Variants in PCDHA3 observed in about 807,000 individuals in gnomAD.
PCDHA3 encodes the protein protocadherin alpha 3, also known as protocadherin alpha-3.
In PCDHA3, 41 loss-of-function variants were observed where a neutral mutation model predicts 62.2. That is an observed-to-expected ratio of 0.66 (90% CI 0.51 to 0.86). PCDHA3 has a LOEUF of 0.86. Ranked by LOEUF, PCDHA3 falls within the 40% of genes least tolerant of loss-of-function variation. The pLI is 0.00. For missense variants in PCDHA3, 1,304 were observed against 1,241.2 expected (o/e 1.05, Z -0.76); for synonymous variants, 640 against 555.4 (o/e 1.15, Z -2.14).
rs372235129 is a variant in PCDHA3 at position 140,927,231 on chromosome 5, C to T, written c.2395-51718C>T. On this transcript the variant is annotated intron_variant, in intron 1 of 3. Transcript: ENST00000522353. ...TGGAGCTGCACAAGATTCGGATTCA[C>T]GTCCTGGACACCAATGACAACTCAC... 3.7e-6 allele frequency: 6 copies of T among 1,614,020 alleles called. No individual in the cohort carries two copies. In the African/African-American group the frequency reaches 4.0e-5, roughly 11 times the overall value.
intron 1 of PCDHA3, among the ~76,000 whole-genome samples, chr5:140,932,340 C>G (rs1339952181): frequency 6.6e-6 from 1 of 151,864 alleles, no homozygotes; most frequent in Non-Finnish European, 1.5e-5. Flanking sequence ...GCATGAAACA[C>G]TTACCATACA....
intron 1 of PCDHA3, among the ~76,000 whole-genome samples, chr5:140,898,068 C>A (rs1420706890): frequency 8.5e-5 from 13 of 152,050 alleles, no homozygotes; most frequent in African/African-American, 2.7e-4. Context: ...TGTTTGAGTT[C>A]ATTGTAGATT....
chr5:141,001,089 C>G (rs972790418), intron 3 of PCDHA3, among the ~76,000 whole-genome samples: 2 of 152,042 alleles, frequency 1.3e-5, no homozygotes, highest in Admixed American at 1.3e-4. Flanking sequence ...ACCCCATAAA[C>G]TGTCTAATCC....
chr5:140,875,208 C>G (rs1297860404), intron 1 of PCDHA3: 2 of 668,428 alleles, frequency 3.0e-6, no homozygotes, highest in East Asian at 6.8e-5. Flanking sequence ...GTGGCTAAAC[C>G]GAAAAGAACC....
intron 3 of PCDHA3, among the ~76,000 whole-genome samples, chr5:141,005,035 GT>G (rs1272983494): frequency 6.6e-6 from 1 of 152,194 alleles, no homozygotes; most frequent in African/African-American, 2.4e-5. Context: ...TTGCCCATAT[GT>G]GATACCATTT....
At chr5:140,968,187 A>G in intron 1 of PCDHA3, 3 of 1,614,064 alleles carry the variant, frequency 1.9e-6, no homozygotes, top group Non-Finnish European at 2.5e-6. Context: ...GAGGACTCCT[A>G]TTCCATCTAC....
intron 1 of PCDHA3, chr5:140,866,517 C>T (rs1554160368): frequency 6.6e-6 from 1 of 152,090 alleles, no homozygotes; most frequent in African/African-American, 2.4e-5. Flanking sequence ...CTTGACTAAG[C>T]CATGATAGAG....
chr5:140,876,718 G>C, intron 1 of PCDHA3: 1 of 1,614,242 alleles, frequency 6.2e-7, no homozygotes, highest in Non-Finnish European at 8.5e-7. Context: ...CCTGGACCGC[G>C]AGAGCGTGTC....
chr5:140,994,608 G>A (rs1231327885), intron 3 of PCDHA3, among the ~76,000 whole-genome samples: 1 of 152,098 alleles, frequency 6.6e-6, no homozygotes, highest in African/African-American at 2.4e-5. Context: ...GGGAGGCTGA[G>A]GCACGAGAGT....
chr5:140,982,487 A>G lies in PCDHA3; in HGVS notation c.2466A>G (p.Leu822=), dbSNP rs1417892860. 3 of 1,614,078 alleles carry G rather than the reference A, an allele frequency of 1.9e-6. No homozygotes were observed. Among genetic ancestry groups the G allele is most frequent in the Non-Finnish European group, 2.5e-6 (3 of 1,180,034 alleles). Residue 822 remains leucine (L), a synonymous_variant, in exon 3 of 4, where the codon CTA becomes CTG. Coordinates refer to ENST00000522353, the MANE Select transcript of PCDHA3 (RefSeq NM_018906.3). ...TGTGTTTATTCAGCTCTGTGCACCTAGAGGAGGCTGGCATTCTACGGGCTG... is the reference window on the plus strand; with the variant it reads ...TGTGTTTATTCAGCTCTGTGCACCTGGAGGAGGCTGGCATTCTACGGGCTG... The part of the protein sequence containing the change: ...LRAGMHSSVH[L]EEAGILRAGP...
intron 1 of PCDHA3, among the ~76,000 whole-genome samples, chr5:140,925,108 G>GGAAGGAAGGAA (rs1554202548): frequency 1.6e-5 from 2 of 124,702 alleles, no homozygotes; most frequent in African/African-American, 3.3e-5. Flanking sequence ...GAAGGAAGGA[G>GGAAGGAAGGAA]GGAAGGAAGG....
intron 1 of PCDHA3, among the ~76,000 whole-genome samples, chr5:140,920,853 A>C (rs375783359): frequency 1.3e-5 from 2 of 152,062 alleles, no homozygotes; most frequent in African/African-American, 4.8e-5. Flanking sequence ...AAAAAAAAAA[A>C]AAAAACAAAC....
intron 1 of PCDHA3, chr5:140,809,102 G>T (rs532147064): frequency 7.4e-6 from 12 of 1,613,966 alleles, no homozygotes; most frequent in African/African-American, 1.3e-5. Context: ...TGCCCTGGAC[G>T]AAACGGACGC....
At chr5:140,964,866 C>A (rs2095858965) in intron 1 of PCDHA3, among the ~76,000 whole-genome samples, 1 of 152,132 alleles carries the variant, frequency 6.6e-6, no homozygotes, top group Non-Finnish European at 1.5e-5. Flanking sequence ...ACAAAGAGGA[C>A]AAATAAGAAG....
intron 3 of PCDHA3, among the ~76,000 whole-genome samples, chr5:140,992,102 G>A (rs1205417295): frequency 6.6e-6 from 1 of 150,914 alleles, no homozygotes; most frequent in Non-Finnish European, 1.5e-5. Context: ...AGAGAATTAA[G>A]GTGAGATGTG....
chr5:140,965,834 G>T (rs1018708290), intron 1 of PCDHA3, among the ~76,000 whole-genome samples: 1 of 152,128 alleles, frequency 6.6e-6, no homozygotes, highest in Admixed American at 6.5e-5. Context: ...TTAAATATTG[G>T]TTATTTGCCA....
chr5:140,821,010 C>A (rs1020612182), intron 1 of PCDHA3, among the ~76,000 whole-genome samples: 1 of 151,734 alleles, frequency 6.6e-6, no homozygotes, highest in Non-Finnish European at 1.5e-5. Flanking sequence ...AGGTTTTCAT[C>A]GATTTGAAAA....
At chr5:140,877,930 C>T (rs2057400413) in intron 1 of PCDHA3, 1 of 1,411,700 alleles carries the variant, frequency 7.1e-7, no homozygotes, top group East Asian at 2.5e-5. Flanking sequence ...CTTTATGATT[C>T]TATCCTTTAA....
intron 1 of PCDHA3, chr5:140,967,890 C>G: frequency 6.2e-7 from 1 of 1,614,176 alleles, no homozygotes; most frequent in Non-Finnish European, 8.5e-7. Context: ...AGCCCAGTGC[C>G]TGAGAATGCT....
Sources: gnomAD v4.1 joint callset for allele counts (sites outside exome capture counted in the v4.1 genomes callset) on GRCh38, gnomAD v4.1.1 for gene constraint, MANE v1.5 for transcripts, NCBI Gene and HGNC (gene_info 2026-07-23, HGNC 2026-07-21) for gene names.